Variants in WWC1 observed in about 807,000 individuals in gnomAD.
WWC1 encodes the protein protein KIBRA.
Under a neutral mutation model 138.4 loss-of-function variants are expected in WWC1, and 55 were observed. The ratio of observed to expected loss-of-function variants is 0.40; its 90% CI spans 0.32 to 0.50. The LOEUF (loss-of-function observed/expected upper bound fraction) is 0.50, where lower values mean the gene tolerates loss of function less well. Among genes scored for constraint, WWC1 ranks in the 20% least tolerant of loss-of-function variants. The probability of loss-of-function intolerance (pLI) is 0.72; values close to 1 mark genes in which losing one functional copy is unlikely to be tolerated. For missense variants in WWC1, 1,226 were observed against 1,420.4 expected, an observed-to-expected ratio of 0.86 and a Z score of 2.20; for synonymous variants, 524 against 564.9, an observed-to-expected ratio of 0.93 and a Z score of 1.03.
At chr5:168,432,308 A>G (rs897077807) in intron 15 of WWC1, among the ~76,000 whole-genome samples, 1 of 152,176 alleles carries the variant, frequency 6.6e-6, no homozygotes, top group African/African-American at 2.4e-5. Flanking sequence ...TAGTGGGGCC[A>G]TTGCCAGCCT....
At chr5:168,339,840 T>TTCTTTC (rs1773841384) in intron 1 of WWC1, among the ~76,000 whole-genome samples, 2 of 148,512 alleles carry the variant, frequency 1.3e-5, no homozygotes, top group African/African-American at 5.2e-5. Context: ...CTTTTTCTTT[T>TTCTTTC]CTTTCTTTCT....
intron 12 of WWC1, 131 bp downstream of exon 12, chr5:168,428,272 A>G: frequency 1.2e-6 from 1 of 835,678 alleles, no homozygotes; most frequent in South Asian, 1.8e-5. Context: ...AGAGGGCATG[A>G]CCCCACCTTC....
At chr5:168,380,667 C>T (rs917961056) in intron 2 of WWC1, among the ~76,000 whole-genome samples, 1 of 152,066 alleles carries the variant, frequency 6.6e-6, no homozygotes, top group African/African-American at 2.4e-5. Context: ...AGCAATTCTA[C>T]CCCTGGTATT....
chr5:168,447,931 CA>C (rs1223053925), intron 17 of WWC1, among the ~76,000 whole-genome samples: 1 of 152,058 alleles, frequency 6.6e-6, no homozygotes, highest in Admixed American at 6.6e-5. Flanking sequence ...ATCACACAGG[CA>C]AAGGTCTGAT....
At chr5:168,338,174 G>T (rs963469852) in intron 1 of WWC1, among the ~76,000 whole-genome samples, 48 of 151,584 alleles carry the variant, frequency 3.2e-4, no homozygotes, top group Admixed American at 1.1e-3. Flanking sequence ...AGCCGGGCGT[G>T]GTGGCACGCA....
chr5:168,356,362 G>T (rs1334319748), intron 1 of WWC1, among the ~76,000 whole-genome samples: 5 of 152,272 alleles, frequency 3.3e-5, no homozygotes, highest in Admixed American at 3.3e-4. Flanking sequence ...TCTCACGGCT[G>T]TGAACCTGGG....
intron 17 of WWC1, among the ~76,000 whole-genome samples, chr5:168,447,145 A>G (rs1194434660): frequency 6.6e-6 from 1 of 152,202 alleles, no homozygotes; most frequent in South Asian, 2.1e-4. Context: ...AACAGCCACT[A>G]TGTCATGGGG....
At chr5:168,371,321 C>T in intron 1 of WWC1, 103 bp from the exon 2 acceptor site, 1 of 759,540 alleles carries the variant, frequency 1.3e-6, no homozygotes, top group South Asian at 1.7e-5. Flanking sequence ...ACTTTTGGAT[C>T]TGTTGAGCCA....
At chr5:168,415,074 G>T (rs143208227) in intron 9 of WWC1, 1 of 166,778 alleles carries the variant, frequency 6.0e-6, no homozygotes, top group Non-Finnish European at 1.3e-5. Context: ...CTAAGTAAGG[G>T]GTTGCAGTTT....
chr5:168,416,789 G>A (rs1277562690), intron 9 of WWC1, among the ~76,000 whole-genome samples: 1 of 152,216 alleles, frequency 6.6e-6, no homozygotes, highest in Non-Finnish European at 1.5e-5. Context: ...CTTAACATTT[G>A]TTAGTAGGTT....
chr5:168,439,394 G>A (rs1176624144), intron 15 of WWC1, among the ~76,000 whole-genome samples: 1 of 151,886 alleles, frequency 6.6e-6, no homozygotes, highest in Non-Finnish European at 1.5e-5. Flanking sequence ...GGAGGCTGAG[G>A]TGGGTGGATC....
intron 18 of WWC1, 58 bp downstream of exon 18, chr5:168,454,158 T>A: frequency 6.3e-7 from 1 of 1,582,496 alleles, no homozygotes; most frequent in Non-Finnish European, 8.6e-7. Flanking sequence ...TCAATCCTTG[T>A]GCCGAGGCAG....
At chr5:168,409,604 C>T (rs1232097595) in intron 7 of WWC1, among the ~76,000 whole-genome samples, 1 of 152,220 alleles carries the variant, frequency 6.6e-6, no homozygotes, top group Non-Finnish European at 1.5e-5. Flanking sequence ...TTCCTCCTCA[C>T]CAACTGTCCT....
intron 16 of WWC1, 97 bp downstream of exon 16, chr5:168,441,931 AGAG>A (rs1754810878): frequency 3.4e-6 from 5 of 1,476,414 alleles, no homozygotes; most frequent in East Asian, 2.5e-5. Flanking sequence ...AGGCGTCATG[AGAG>A]GAGAACAATG....
chr5:168,356,010 G>C (rs1252128004), intron 1 of WWC1, among the ~76,000 whole-genome samples: 1 of 152,138 alleles, frequency 6.6e-6, no homozygotes, highest in Non-Finnish European at 1.5e-5. Flanking sequence ...TTGTGATTTA[G>C]GGGCTTCTGG....
intron 2 of WWC1, among the ~76,000 whole-genome samples, chr5:168,375,561 T>A (rs372716083): frequency 6.6e-6 from 1 of 152,118 alleles, no homozygotes; most frequent in African/African-American, 2.4e-5. Flanking sequence ...TTTCTTTTTT[T>A]TTGTTTTTTT....
At chr5:168,351,767 C>T (rs1462802207) in intron 1 of WWC1, among the ~76,000 whole-genome samples, 3 of 152,144 alleles carry the variant, frequency 2.0e-5, no homozygotes, top group Admixed American at 6.5e-5. Context: ...CCAGTCCTGT[C>T]GCAGCCAGGC....
chr5:168,371,360 C>A, intron 1 of WWC1, 64 bp from the exon 2 acceptor site: 2 of 1,224,714 alleles, frequency 1.6e-6, no homozygotes, highest in Non-Finnish European at 2.4e-6. Context: ...CACAGGGAAG[C>A]AGCAGGTTGC....
In WWC1 at chr5:168,465,548, C is replaced by CTTTTTTTTTTTTTTTTTTTTT. The variant is rs10527141; in HGVS notation, c.3150+594_3150+614dup. Among the ~76,000 whole-genome samples, 64 of 46,932 alleles carry CTTTTTTTTTTTTTTTTTTTTT rather than the reference C, an allele frequency of 1.4e-3. 31 individuals carry two copies. The highest frequency in any genetic ancestry group is 1.7e-3 in the African/African-American group (20 of 11,916). The allele number at this position is 46,932 out of a possible 152,430, so 30.8% of individuals were successfully genotyped here. A position where few individuals can be genotyped will look rare whatever the true frequency, so the allele number is the denominator to read the frequency against. On this transcript the variant is annotated intron_variant, in intron 21 of 22. Coordinates refer to ENST00000265293, the MANE Select transcript of WWC1 (RefSeq NM_015238.3). Reference sequence around the variant, plus strand: ...CACACAAAGTTTTATATCAGCTGGGCTTTTTTTTTTTTTTTTTTTTTTTTT... The same window carrying CTTTTTTTTTTTTTTTTTTTTT: ...CACACAAAGTTTTATATCAGCTGGGCTTTTTTTTTTTTTTTTTTTTTTTTTTTTTTTTTTTTTTTTTTTTTT...
Sources: gnomAD v4.1 joint callset for allele counts (sites outside exome capture counted in the v4.1 genomes callset) on GRCh38, gnomAD v4.1.1 for gene constraint, MANE v1.5 for transcripts, NCBI Gene and HGNC (gene_info 2026-07-23, HGNC 2026-07-21) for gene names.